The following MYL12B variants were observed in gnomAD, a reference collection of about 807,000 sequenced individuals.
MYL12B encodes the protein myosin regulatory light chain 12B.
MYL12B carries 3 observed loss-of-function variants against 12.9 expected under a neutral mutation model. The observed-to-expected ratio is 0.23, with a 90% CI of 0.11 to 0.60. The LOEUF is 0.60. Ranked by LOEUF, MYL12B falls within the 20% of genes least tolerant of loss-of-function variation. The pLI is 0.89. For synonymous variants in MYL12B, 57 were observed against 71.9 expected (o/e 0.79, Z 1.05); for missense variants, 120 against 215.4 (o/e 0.56, Z 2.77).
At chr18:3,276,919 CAAAAAAAA>C (rs10706387) in intron 2 of MYL12B, 39 of 856,692 alleles carry the variant, frequency 4.6e-5, no homozygotes, top group African/African-American at 9.5e-5. Context: ...GCCTATAGTC[CAAAAAAAA>C]AAAAAAAAAA....
At chr18:3,272,853 T>G (rs1430324840) in intron 1 of MYL12B, 31 bp from the exon 2 acceptor site, 1 of 1,517,318 alleles carries the variant, frequency 6.6e-7, no homozygotes, top group South Asian at 1.3e-5. Context: ...ATTGTTTTGT[T>G]TTACGTTTTT....
chr18:3,262,796 A>G (rs1421770510), intron 1 of MYL12B: 2 of 152,318 alleles, frequency 1.3e-5, no homozygotes, highest in Admixed American at 1.3e-4. Context: ...CCGGTAACCG[A>G]GTGTGTGGTT....
chr18:3,268,881 T>C (rs1320913324), intron 1 of MYL12B, among the ~76,000 whole-genome samples: 1 of 152,178 alleles, frequency 6.6e-6, no homozygotes, highest in Non-Finnish European at 1.5e-5. Flanking sequence ...GTGGGCATGT[T>C]TCATTTAATG....
At chr18:3,266,371 T>C (rs2081634379) in intron 1 of MYL12B, among the ~76,000 whole-genome samples, 1 of 151,556 alleles carries the variant, frequency 6.6e-6, no homozygotes, top group African/African-American at 2.4e-5. Context: ...GGGCAAAAGC[T>C]GCAAGGTGTA....
intron 2 of MYL12B, among the ~76,000 whole-genome samples, chr18:3,275,618 A>C (rs1477523570): frequency 6.6e-6 from 1 of 152,176 alleles, no homozygotes; most frequent in Non-Finnish European, 1.5e-5. Flanking sequence ...AATAAATATG[A>C]ATTTTTAAAA....
At chr18:3,275,781 C>A (rs1028231985) in intron 2 of MYL12B, among the ~76,000 whole-genome samples, 1 of 152,190 alleles carries the variant, frequency 6.6e-6, no homozygotes, top group Admixed American at 6.5e-5. Flanking sequence ...TTCTTCCCCC[C>A]AAAAAATGCT....
intron 3 of MYL12B, 21 bp from the exon 4 acceptor site, chr18:3,277,744 C>T: frequency 6.3e-7 from 1 of 1,596,720 alleles, no homozygotes; most frequent in Non-Finnish European, 8.5e-7. Context: ...TGACTGCTTT[C>T]TTCTTTCTAT....
chr18:3,272,302 G>GGATTGAGGCTCAGAGAGGTTA lies in MYL12B; in HGVS notation c.-15-582_-15-581insGATTGAGGCTCAGAGAGGTTA. ...TACTGGTAGTAAAATGGGAATAAGA[G>GGATTGAGGCTCAGAGAGGTTA]TACCTACCATAGGCAACTGTTGTGA... On this transcript the variant is annotated intron_variant, in intron 1 of 3. Transcript: ENST00000237500. 366 of 202,766 alleles carry GGATTGAGGCTCAGAGAGGTTA rather than the reference G, an allele frequency of 1.8e-3. 2 individuals are homozygous for GGATTGAGGCTCAGAGAGGTTA. Among genetic ancestry groups the GGATTGAGGCTCAGAGAGGTTA allele is most frequent in the Non-Finnish European group, 3.0e-3 (342 of 114,142 alleles). 12.6% of individuals were successfully genotyped at this position (202,766 alleles called of 1,614,324 possible). A position where few individuals can be genotyped will look rare whatever the true frequency, so the allele number is the denominator to read the frequency against.
intron 1 of MYL12B, among the ~76,000 whole-genome samples, chr18:3,264,065 T>C (rs2081617332): frequency 6.6e-6 from 1 of 152,220 alleles, no homozygotes; most frequent in South Asian, 2.1e-4. Flanking sequence ...CACCCAGTTG[T>C]CCCTGGTTGC....
chr18:3,275,755 C>G (rs2081724965), intron 2 of MYL12B, among the ~76,000 whole-genome samples: 1 of 151,794 alleles, frequency 6.6e-6, no homozygotes, highest in African/African-American at 2.4e-5. Flanking sequence ...CTCTTCACAC[C>G]TTTTGGTTAC....
chr18:3,277,288 A>T lies in MYL12B; in HGVS notation c.220A>T (p.Met74Leu). The T allele has an allele frequency of 6.2e-7, 1 of 1,613,162 alleles. No individual in the cohort carries two copies. Among genetic ancestry groups the T allele is most frequent in the Non-Finnish European group, 8.5e-7 (1 of 1,179,614 alleles). ...NPTDAYLDAM[M>L]NEAPGPINFT... ...CACTGATGCATACCTTGATGCCATGATGAATGAGGCCCCAGGGCCCATCAA... is the reference window on the plus strand; with the variant it reads ...CACTGATGCATACCTTGATGCCATGTTGAATGAGGCCCCAGGGCCCATCAA... Residue 74 changes from methionine (M) to leucine (L), a missense_variant, in exon 3 of 4, where the codon ATG (methionine) becomes TTG (leucine). Coordinates refer to ENST00000237500, the MANE Select transcript of MYL12B (RefSeq NM_033546.4).
At chr18:3,275,822 A>G (rs7506179) in intron 2 of MYL12B, among the ~76,000 whole-genome samples, 145,869 of 152,212 alleles carry the variant, frequency 0.96, 69,965 homozygotes, top group Non-Finnish European at 0.98. Context: ...CTGGAGGTAG[A>G]AAAGTAGATC....
At chr18:3,270,932 A>G (rs1567990778) in intron 1 of MYL12B, among the ~76,000 whole-genome samples, 2 of 152,172 alleles carry the variant, frequency 1.3e-5, no homozygotes, top group Non-Finnish European at 2.9e-5. Context: ...TCAGCCTCCC[A>G]AAGTGTTGAG....
At chr18:3,269,548 G>A (rs2144357484) in intron 1 of MYL12B, among the ~76,000 whole-genome samples, 1 of 152,250 alleles carries the variant, frequency 6.6e-6, no homozygotes, top group African/African-American at 2.4e-5. Context: ...TGAGTTTTCA[G>A]CATGTTGATT....
chr18:3,276,807 C>T (rs1324787938), intron 2 of MYL12B: 1 of 555,284 alleles, frequency 1.8e-6, no homozygotes, highest in Non-Finnish European at 2.3e-6. Context: ...GAGGCCAAGG[C>T]AGGTGGATCA....
intron 2 of MYL12B, among the ~76,000 whole-genome samples, chr18:3,276,083 T>A (rs35212757): frequency 4.6e-5 from 7 of 151,968 alleles, no homozygotes; most frequent in African/African-American, 1.7e-4. Context: ...TATGAATATC[T>A]GACTAATAGA....
At chr18:3,277,117 T>C in intron 2 of MYL12B, 136 bp from the exon 3 acceptor site, 2 of 1,247,988 alleles carry the variant, frequency 1.6e-6, no homozygotes, top group Non-Finnish European at 2.1e-6. Context: ...CTTTTTAAAA[T>C]GTTCTTAAAG....
At chr18:3,276,151 A>G (rs184813315) in intron 2 of MYL12B, among the ~76,000 whole-genome samples, 3 of 151,942 alleles carry the variant, frequency 2.0e-5, no homozygotes, top group Non-Finnish European at 2.9e-5. Flanking sequence ...TTGAGATACC[A>G]ACTTTAACCA....
chr18:3,277,091 A>C (rs1015735160), intron 2 of MYL12B, 162 bp from the exon 3 acceptor site: 1 of 929,786 alleles, frequency 1.1e-6, no homozygotes, highest in Non-Finnish European at 1.3e-6. Flanking sequence ...ATATTTTTTA[A>C]GTTGTCAAAA....
Sources: allele counts gnomAD v4.1 joint callset (sites outside exome capture counted in the v4.1 genomes callset), GRCh38; gene constraint gnomAD v4.1.1; transcripts MANE v1.5; gene names NCBI Gene and HGNC (gene_info 2026-07-23, HGNC 2026-07-21).